Variants in POU6F2 observed in about 807,000 individuals in gnomAD.
POU6F2 encodes POU class 6 homeobox 2.
POU6F2 carries 31 observed loss-of-function variants against 71.3 expected under a neutral mutation model. That is an observed-to-expected ratio of 0.43 (90% CI 0.33 to 0.59). POU6F2 has a LOEUF of 0.59. POU6F2 is among the 20% of genes least tolerant of loss of function. The pLI, the probability that POU6F2 is intolerant of heterozygous loss-of-function variation, is 0.04. For synonymous variants in POU6F2, 347 were observed against 355.7 expected, an observed-to-expected ratio of 0.98 and a Z score of 0.27; for missense variants, 783 against 856.8, an observed-to-expected ratio of 0.91 and a Z score of 1.07.
At chr7:39,183,866 T>C (rs1375713234) in intron 2 of POU6F2, among the ~76,000 whole-genome samples, 1 of 152,220 alleles carries the variant, frequency 6.6e-6, no homozygotes, top group African/African-American at 2.4e-5. Flanking sequence ...TTCCTCATCA[T>C]TATAACACAA....
chr7:39,330,388 C>T (rs144861752), intron 4 of POU6F2, among the ~76,000 whole-genome samples: 294 of 152,264 alleles, frequency 1.9e-3, no homozygotes, highest in Admixed American at 4.8e-3. Flanking sequence ...CGTAGTACCC[C>T]GGTCCTCCCT....
intron 2 of POU6F2, among the ~76,000 whole-genome samples, chr7:39,168,487 G>C (rs995259070): frequency 6.6e-6 from 1 of 152,296 alleles, no homozygotes; most frequent in South Asian, 2.1e-4. Flanking sequence ...TCCCAGGGCA[G>C]AAAGTCTTGA....
chr7:39,351,623 A>G (rs566399928), intron 5 of POU6F2, among the ~76,000 whole-genome samples: 7 of 152,240 alleles, frequency 4.6e-5, no homozygotes, highest in African/African-American at 1.2e-4. Flanking sequence ...TTATTTGCAT[A>G]TGGATCCACC....
chr7:39,387,259 A>G (rs1308906774), intron 5 of POU6F2, among the ~76,000 whole-genome samples: 2 of 152,226 alleles, frequency 1.3e-5, no homozygotes, highest in African/African-American at 4.8e-5. Flanking sequence ...ATGGACACGC[A>G]TGAACACACA....
Position 39,207,564 on chromosome 7 carries a change from T to C in POU6F2, c.542T>C (p.Leu181Pro). Residue 181 changes from leucine (L) to proline (P), a missense_variant, in exon 4 of 10, where the codon CTG becomes CCG. By Grantham distance (98) the Leu-to-Pro change is moderately conservative. This residue lies in a region of POU6F2 where 572 missense variants were observed against 572.9 expected (regional missense o/e 1.00). Coordinates refer to ENST00000518318, the MANE Select transcript of POU6F2 (RefSeq NM_001370959.1). ...PTANLTNIQG[L>P]VAAAAAGGIM... ...GCGAATCTCACCAACATCCAAGGGCTGGTGGCAGCAGCTGCAGCCGGAGGC... is the reference window on the plus strand; with the variant it reads ...GCGAATCTCACCAACATCCAAGGGCCGGTGGCAGCAGCTGCAGCCGGAGGC... 1 of 1,614,028 alleles carries C rather than the reference T, an allele frequency of 6.2e-7. No individual in the cohort carries two copies. Among genetic ancestry groups the C allele is most frequent in the Non-Finnish European group, 8.5e-7 (1 of 1,179,878 alleles).
chr7:38,979,475 C>T (rs1562652225), intron 1 of POU6F2, among the ~76,000 whole-genome samples: 1 of 152,008 alleles, frequency 6.6e-6, no homozygotes, highest in African/African-American at 2.4e-5. Context: ...ATATTTGCTT[C>T]GACAGAGAAA....
At chr7:39,140,184 CT>C (rs1363859991) in intron 2 of POU6F2, among the ~76,000 whole-genome samples, 2 of 152,194 alleles carry the variant, frequency 1.3e-5, no homozygotes, top group Non-Finnish European at 2.9e-5. Context: ...GTGATGCCTA[CT>C]TTTACAAATC....
chr7:39,187,868 C>T (rs1309452366), intron 2 of POU6F2, among the ~76,000 whole-genome samples: 1 of 152,204 alleles, frequency 6.6e-6, no homozygotes, highest in African/African-American at 2.4e-5. Context: ...GGTCTTCCTA[C>T]ATTTTTTTCC....
At chr7:39,305,576 G>T (rs569361147) in intron 4 of POU6F2, among the ~76,000 whole-genome samples, 3 of 152,322 alleles carry the variant, frequency 2.0e-5, no homozygotes, top group African/African-American at 7.2e-5. Context: ...CCTGGTATTT[G>T]TGGTTATTTG....
chr7:39,196,886 TAACCCAAAATTGTATGGA>T (rs1344692972), intron 2 of POU6F2, among the ~76,000 whole-genome samples: 2 of 152,218 alleles, frequency 1.3e-5, no homozygotes, highest in African/African-American at 4.8e-5. Context: ...GGAAAACTAG[TAACCCAAAATTGTATGGA>T]AACCGAGTCA....
chr7:39,451,527 A>T lies in POU6F2; in HGVS notation c.1321-6A>T, dbSNP rs1788660147. ...TTGTGTATTTTTTTTACATCCCCTC[A>T]TGTAGCTCCACCAACCCTCCCAGAC... On this transcript the variant is annotated splice_polypyrimidine_tract_variant and splice_region_variant and intron_variant, in intron 7 of 9. Coordinates refer to ENST00000518318, the MANE Select transcript of POU6F2 (RefSeq NM_001370959.1). The T allele has an allele frequency of 2.5e-6, 4 of 1,609,292 alleles. No homozygotes were observed. In the South Asian group the frequency reaches 4.4e-5, roughly 18 times the overall value.
At chr7:39,227,551 C>CTTTT (rs34830334) in intron 4 of POU6F2, among the ~76,000 whole-genome samples, 9 of 109,020 alleles carry the variant, frequency 8.3e-5, no homozygotes, top group South Asian at 3.1e-4. Flanking sequence ...ACATTGGTAC[C>CTTTT]TTTTTTTTTT....
At position 39,460,791 on chromosome 7, in the gene POU6F2, C is replaced by T. The variant is rs902907761; in HGVS notation, c.1658+76C>T. The T allele has an allele frequency of 1.4e-6, 2 of 1,420,846 alleles. No homozygotes were observed. Among genetic ancestry groups the T allele is most frequent in the Admixed American group, 2.8e-5 (1 of 36,156 alleles). The allele number at this position is 1,420,846 out of a possible 1,614,324, so 88.0% of individuals were successfully genotyped here. ...TTGTCCTCGCGGTTCAGCTTTTCTT[C>T]GTCGGGTGGGCAAAGCTGGAGGGGC... On this transcript the variant is annotated intron_variant, in intron 9 of 9. Transcript: ENST00000518318. The surrounding 1 kb of genome is among the most constrained non-coding windows in gnomAD (Gnocchi z 4.4).
intron 2 of POU6F2, among the ~76,000 whole-genome samples, chr7:39,143,344 T>G (rs1792546800): frequency 6.6e-6 from 1 of 152,194 alleles, no homozygotes; most frequent in Non-Finnish European, 1.5e-5. Context: ...TTCACAGGGT[T>G]TGGCCTAATT....
chr7:39,421,570 G>A (rs78250660), intron 6 of POU6F2, among the ~76,000 whole-genome samples: 4,097 of 152,140 alleles, frequency 0.027, 125 homozygotes, highest in African/African-American at 0.074. Context: ...CAGCACAAAG[G>A]GATGCTAAAT....
intron 1 of POU6F2, among the ~76,000 whole-genome samples, chr7:38,998,474 C>A (rs564067684): frequency 6.6e-6 from 1 of 152,244 alleles, no homozygotes; most frequent in Middle Eastern, 3.4e-3. Context: ...TTTTAAAAAT[C>A]ATACCTATAT....
intron 1 of POU6F2, among the ~76,000 whole-genome samples, chr7:39,019,973 T>C (rs1208375556): frequency 6.6e-6 from 1 of 152,198 alleles, no homozygotes; most frequent in African/African-American, 2.4e-5. Context: ...TGTCCATTTA[T>C]ATGCATGAAT....
intron 2 of POU6F2, among the ~76,000 whole-genome samples, chr7:39,163,119 A>G (rs1793032782): frequency 6.6e-6 from 1 of 152,236 alleles, no homozygotes; most frequent in African/African-American, 2.4e-5. Flanking sequence ...CAAAGAGTAT[A>G]TGATCAGCTA....
At chr7:39,060,252 T>G (rs1445873767) in intron 1 of POU6F2, among the ~76,000 whole-genome samples, 1 of 152,092 alleles carries the variant, frequency 6.6e-6, no homozygotes, top group Non-Finnish European at 1.5e-5. Flanking sequence ...ATATATTATA[T>G]GATTCCATTC....
Sources: allele counts gnomAD v4.1 joint callset (sites outside exome capture counted in the v4.1 genomes callset), GRCh38; gene constraint gnomAD v4.1.1; regional missense constraint gnomAD v4.1.1; non-coding constraint Gnocchi (gnomAD v3.1); transcripts MANE v1.5; gene names NCBI Gene and HGNC (gene_info 2026-07-23, HGNC 2026-07-21).